SPON1: variants seen among roughly 807,000 people sequenced by gnomAD.
SPON1 encodes the protein spondin-1.
In SPON1, 52 loss-of-function variants were observed where a neutral mutation model predicts 111.7. That is an observed-to-expected ratio of 0.47 (90% CI 0.37 to 0.59). The LOEUF (loss-of-function observed/expected upper bound fraction) is 0.59, where lower values mean the gene tolerates loss of function less well. Ranked by LOEUF, SPON1 falls within the 20% of genes least tolerant of loss-of-function variation. The probability of loss-of-function intolerance (pLI) is 0.00; values close to 1 mark genes in which losing one functional copy is unlikely to be tolerated. For synonymous variants in SPON1, 410 were observed against 395.8 expected (o/e 1.04, Z -0.43); for missense variants, 957 against 1,068.5 (o/e 0.90, Z 1.46).
At chr11:14,015,150 C>T (rs1214778876) in intron 2 of SPON1, among the ~76,000 whole-genome samples, 1 of 152,156 alleles carries the variant, frequency 6.6e-6, no homozygotes, top group African/African-American at 2.4e-5. Flanking sequence ...ACCTGTATGA[C>T]CAGTGTCATA....
At chr11:14,054,458 G>A (rs1003898942) in intron 3 of SPON1, among the ~76,000 whole-genome samples, 9 of 152,132 alleles carry the variant, frequency 5.9e-5, no homozygotes, top group African/African-American at 2.2e-4. Flanking sequence ...CTTTCAAAAT[G>A]TAAATCGGCA....
intron 5 of SPON1, among the ~76,000 whole-genome samples, chr11:14,134,630 C>T (rs10832187): frequency 0.37 from 56,892 of 152,050 alleles, 11,021 homozygotes; most frequent in East Asian, 0.51. Context: ...ACCATGTTTA[C>T]TTCTAAGGCT....
intron 6 of SPON1, among the ~76,000 whole-genome samples, 199 bp from the exon 7 acceptor site, chr11:14,243,133 C>T (rs1292512138): frequency 6.6e-6 from 1 of 152,190 alleles, no homozygotes; most frequent in Non-Finnish European, 1.5e-5. Flanking sequence ...CAGGACATAC[C>T]TGGACACTCA....
In SPON1 at chr11:14,259,531, C is replaced by T; in HGVS notation, c.1664-3C>T. On this transcript the variant is annotated splice_polypyrimidine_tract_variant and splice_region_variant and intron_variant, in intron 12 of 15. Coordinates refer to ENST00000576479, the MANE Select transcript of SPON1 (RefSeq NM_006108.4). This position sits in a 1 kb window ranked among gnomAD's most constrained non-coding sequence, Gnocchi z 5.0. ...GCGACTCCAATGCCGCTGGCCTCCC[C>T]AGCTCCCAGCAGCTGCCTGATGACC... is the stretch of plus-strand genomic sequence containing the variant. 6.4e-7 allele frequency: 1 copy of T among 1,554,642 alleles called. No individual in the cohort carries two copies. The highest frequency in any genetic ancestry group is 1.9e-5 in the Admixed American group (1 of 51,298).
In SPON1 at chr11:14,069,201, C is replaced by G. The variant is rs10437604; in HGVS notation, c.480-6144C>G. ...AGTCAGTTCCCTTACCTCCCTCTAT[C>G]TCAGTTTTCTCATCTGTAAAATAGG... On this transcript the variant is annotated intron_variant, in intron 3 of 15. Transcript: ENST00000576479. Among the ~76,000 whole-genome samples the G allele has an allele frequency of 4.9e-3, 750 of 152,254 alleles. 5 individuals carry two copies. Among genetic ancestry groups the G allele is most frequent in the African/African-American group, 0.017 (707 of 41,550 alleles).
intron 1 of SPON1, among the ~76,000 whole-genome samples, chr11:13,973,633 TATTTC>T (rs1848080269): frequency 6.6e-6 from 1 of 152,234 alleles, no homozygotes; most frequent in African/African-American, 2.4e-5. Context: ...TTATGATCCT[TATTTC>T]ACAGAGGAGA....
intron 2 of SPON1, among the ~76,000 whole-genome samples, chr11:13,996,222 C>T (rs537300981): frequency 6.6e-6 from 1 of 152,270 alleles, no homozygotes; most frequent in South Asian, 2.1e-4. Context: ...GTCCCTTCCC[C>T]TTCCCTTGAG....
At chr11:14,090,639 TG>T (rs1281052539) in intron 5 of SPON1, among the ~76,000 whole-genome samples, 2 of 152,062 alleles carry the variant, frequency 1.3e-5, no homozygotes, top group African/African-American at 4.8e-5. Context: ...GTGGTCTGGC[TG>T]GGCTCAGGAG....
At chr11:14,112,343 C>T (rs952604886) in intron 5 of SPON1, among the ~76,000 whole-genome samples, 5 of 152,200 alleles carry the variant, frequency 3.3e-5, no homozygotes, top group African/African-American at 1.2e-4. Context: ...AGCAACCCAG[C>T]ATTGTACCAA....
At chr11:14,065,039 C>T (rs552020893) in intron 3 of SPON1, among the ~76,000 whole-genome samples, 1 of 152,146 alleles carries the variant, frequency 6.6e-6, no homozygotes, top group Non-Finnish European at 1.5e-5. Context: ...CAATCATGGT[C>T]TATGAGGTCC....
chr11:14,159,129 T>C (rs1430000828), intron 6 of SPON1, among the ~76,000 whole-genome samples: 2 of 152,138 alleles, frequency 1.3e-5, no homozygotes, highest in African/African-American at 4.8e-5. Flanking sequence ...ACATAATTAA[T>C]TACTTATAGT....
intron 2 of SPON1, among the ~76,000 whole-genome samples, chr11:14,011,405 C>T (rs1378938513): frequency 3.3e-5 from 5 of 152,010 alleles, no homozygotes; most frequent in Non-Finnish European, 4.4e-5. Flanking sequence ...CAGAAAAATG[C>T]ACTCACACAC....
intron 5 of SPON1, among the ~76,000 whole-genome samples, chr11:14,107,072 A>C (rs1166026954): frequency 6.6e-6 from 1 of 152,186 alleles, no homozygotes; most frequent in Non-Finnish European, 1.5e-5. Context: ...TTTTTCCTGC[A>C]CATGGAGCCT....
chr11:14,057,517 A>G (rs1220188383), intron 3 of SPON1, among the ~76,000 whole-genome samples: 3 of 152,198 alleles, frequency 2.0e-5, no homozygotes, highest in South Asian at 2.1e-4. Flanking sequence ...AGATATATCA[A>G]TGTTATCTAA....
chr11:14,072,595 G>A (rs530821454), intron 3 of SPON1, among the ~76,000 whole-genome samples: 2 of 152,094 alleles, frequency 1.3e-5, no homozygotes, highest in East Asian at 1.9e-4. Flanking sequence ...TCTGCAACCC[G>A]GGAAGCTTGG....
intron 3 of SPON1, among the ~76,000 whole-genome samples, chr11:14,051,354 G>C (rs1048955576): frequency 6.6e-6 from 1 of 152,154 alleles, no homozygotes; most frequent in Non-Finnish European, 1.5e-5. Flanking sequence ...GGGAAACATA[G>C]TGAGACCTTG....
chr11:14,026,068 C>T (rs1848515811), intron 2 of SPON1, among the ~76,000 whole-genome samples: 1 of 152,340 alleles, frequency 6.6e-6, no homozygotes, highest in African/African-American at 2.4e-5. Context: ...CTCTGCAAGG[C>T]AGGAGCCAGC....
chr11:14,113,573 T>A lies in SPON1; in HGVS notation c.677-21847T>A, dbSNP rs1554925655. Among the ~76,000 whole-genome samples the A allele has an allele frequency of 3.0e-3, 14 of 4,592 alleles. 4 individuals carry two copies. In the South Asian group the frequency reaches 0.031, roughly 10 times the overall value. The allele number at this position is 4,592 out of a possible 152,430, so 3.0% of individuals were successfully genotyped here. On this transcript the variant is annotated intron_variant, in intron 5 of 15. Transcript: ENST00000576479. ...ACCTCCTATGTACTTTTTAAATTTT[T>A]TTTTTTTTTTTTTTTTTTTTTTTTT...
At chr11:14,009,745 T>A (rs1026351396) in intron 2 of SPON1, among the ~76,000 whole-genome samples, 1 of 152,242 alleles carries the variant, frequency 6.6e-6, no homozygotes, top group Non-Finnish European at 1.5e-5. Context: ...ATTTGTTGTC[T>A]GGTAAGGGCC....
Sources: gnomAD v4.1 joint callset for allele counts (sites outside exome capture counted in the v4.1 genomes callset) on GRCh38, gnomAD v4.1.1 for gene constraint, Gnocchi (gnomAD v3.1) non-coding constraint, MANE v1.5 for transcripts, NCBI Gene and HGNC (gene_info 2026-07-23, HGNC 2026-07-21) for gene names.